Variants in CD244 observed in about 807,000 individuals in gnomAD.
CD244 encodes CD244 molecule, also known as natural killer cell receptor 2B4.
In CD244, 20 loss-of-function variants were observed where a neutral mutation model predicts 45.5. The ratio of observed to expected loss-of-function variants is 0.44; its 90% CI spans 0.31 to 0.64. The LOEUF is 0.64. CD244 is among the 30% of genes least tolerant of loss of function. The pLI, the probability that CD244 is intolerant of heterozygous loss-of-function variation, is 0.08. For missense variants in CD244, 407 were observed against 426.9 expected (o/e 0.95, Z 0.41); for synonymous variants, 185 against 160.5 (o/e 1.15, Z -1.15).
chr1:160,838,708 C>T, intron 4 of CD244, 190 bp from the exon 5 acceptor site: 1 of 619,272 alleles, frequency 1.6e-6, no homozygotes, highest in Non-Finnish European at 2.9e-6. Flanking sequence ...CCCACACCTC[C>T]TCCCAAACCA....
chr1:160,836,129 T>C (rs985437399), intron 6 of CD244, 66 bp downstream of exon 6: 2 of 1,207,592 alleles, frequency 1.7e-6, no homozygotes, highest in African/African-American at 1.5e-5. Flanking sequence ...ATGGTGTGAG[T>C]TTCAGGGGGG....
At position 160,862,729 on chromosome 1, in the gene CD244, G is replaced by A; in HGVS notation, c.-52C>T. ...GCCCCTCCACCCCACCAGACTCTCT[G>A]CCGTGCACGGGCTCAGCAGTCCCCA... is the stretch of plus-strand genomic sequence containing the variant. On this transcript the variant is annotated 5_prime_UTR_variant, in exon 1 of 9. Transcript: ENST00000368034. 6.4e-7 allele frequency: 1 copy of A among 1,555,116 alleles called. No individual in the cohort carries two copies. Among genetic ancestry groups the A allele is most frequent in the Non-Finnish European group, 8.8e-7 (1 of 1,130,040 alleles).
chr1:160,832,482 C>A, intron 8 of CD244, 37 bp downstream of exon 8: 1 of 1,304,762 alleles, frequency 7.7e-7, no homozygotes, highest in Non-Finnish European at 1.1e-6. Flanking sequence ...GGCTATGCAA[C>A]AGACAGTAAA....
intron 1 of CD244, chr1:160,848,580 A>T (rs768833532): frequency 1.1e-4 from 40 of 373,634 alleles, no homozygotes; most frequent in Non-Finnish European, 1.8e-4. Flanking sequence ...CTACACAGAG[A>T]GACCAAGAAG....
chr1:160,840,833 C>T (rs1488073614), intron 3 of CD244, among the ~76,000 whole-genome samples: 2 of 152,162 alleles, frequency 1.3e-5, no homozygotes, highest in Non-Finnish European at 2.9e-5. Flanking sequence ...GTGTAGTTAC[C>T]TCTTGAACTA....
intron 5 of CD244, among the ~76,000 whole-genome samples, chr1:160,837,888 TGCTG>T (rs1485397265): frequency 6.6e-6 from 1 of 152,216 alleles, no homozygotes; most frequent in Non-Finnish European, 1.5e-5. Flanking sequence ...GGCCCCTGCC[TGCTG>T]CGAAGAGCAG....
At chr1:160,838,044 A>T (rs1050141460) in intron 5 of CD244, among the ~76,000 whole-genome samples, 11 of 152,166 alleles carry the variant, frequency 7.2e-5, no homozygotes, top group African/African-American at 2.7e-4. Flanking sequence ...CAAAACTATT[A>T]TGCTTTGGCT....
At chr1:160,832,349 T>C (rs1571081951) in intron 8 of CD244, among the ~76,000 whole-genome samples, 170 bp downstream of exon 8, 1 of 152,172 alleles carries the variant, frequency 6.6e-6, no homozygotes, top group African/African-American at 2.4e-5. Context: ...TCACTCTCCT[T>C]GGGCTTCAGT....
intron 7 of CD244, among the ~76,000 whole-genome samples, chr1:160,833,363 A>G (rs1209489571): frequency 6.6e-6 from 1 of 152,116 alleles, no homozygotes; most frequent in African/African-American, 2.4e-5. Flanking sequence ...TGGACTCCCA[A>G]ATTCCCATAC....
chr1:160,851,825 G>A (rs1669929791), intron 1 of CD244, among the ~76,000 whole-genome samples: 2 of 152,120 alleles, frequency 1.3e-5, no homozygotes, highest in South Asian at 2.1e-4. Flanking sequence ...TTACAGGCAT[G>A]AGCCACTGCA....
chr1:160,841,880 T>C lies in CD244; in HGVS notation c.83A>G (p.His28Arg), dbSNP rs748839576. Residue 28 changes from histidine to arginine, a missense_variant, in exon 2 of 9, where the codon CAT (histidine) becomes CGT (arginine). By Grantham distance (29) the His-to-Arg change is conservative. Transcript: ENST00000368034. ...AGGCACTCCCGAGATGCTAACCACA[T>C]GGTCAGCTGATCCCTGGCATCCTAG... ...QGKGCQGSAD[H>R]VVSISGVPLQ... 4 of 1,613,930 alleles carry C rather than the reference T, an allele frequency of 2.5e-6. No homozygotes were observed. Among genetic ancestry groups the C allele is most frequent in the African/African-American group, 1.3e-5 (1 of 74,916 alleles).
Position 160,832,531 on chromosome 1 carries a change from A to T in CD244, c.1005T>A (p.Thr335=). The T allele has an allele frequency of 6.2e-7, 1 of 1,604,916 alleles. No homozygotes were observed. Among genetic ancestry groups the T allele is most frequent in the Non-Finnish European group, 8.5e-7 (1 of 1,173,802 alleles). Residue 335 remains threonine (T), a synonymous_variant, in exon 8 of 9, where the codon ACT becomes ACA. Coordinates refer to ENST00000368034, the MANE Select transcript of CD244 (RefSeq NM_016382.4). ...KRNHSPSFNS[T]IYEVIGKSQP... is the part of the protein sequence containing the mutation. ...TCCAGAATCTTACCACTTCATAGAT[A>T]GTGCTATTGAAGGAAGGGCTGTGGT...
chr1:160,834,042 G>A lies in CD244; in HGVS notation c.960+9C>T, dbSNP rs771966699. ...CAACACCCCACCACCACCACGGGAA[G>A]AGGCTCACCTTCCTGGAAGGCTGAA... On this transcript the variant is annotated intron_variant, in intron 7 of 8. Coordinates refer to ENST00000368034, the MANE Select transcript of CD244 (RefSeq NM_016382.4). The A allele has an allele frequency of 1.2e-5, 20 of 1,603,848 alleles. No individual in the cohort carries two copies. In the Admixed American group the frequency reaches 1.7e-4, roughly 13 times the overall value.
Position 160,858,539 on chromosome 1 carries a change from G to C in CD244, c.61+4078C>G, listed in dbSNP as rs1411101991. 4.6e-5 allele frequency among the ~76,000 whole-genome samples: 7 copies of C among 152,238 alleles called. No homozygotes were observed. The East Asian group carries it at 1.4e-3, about 29-fold the overall frequency. ...TTTTGGGTCTAAAATGAATTTTAGG[G>C]CCCAGGCCTATTCCCTGGGCAATGA... On this transcript the variant is annotated intron_variant, in intron 1 of 8. Coordinates refer to ENST00000368034, the MANE Select transcript of CD244 (RefSeq NM_016382.4).
At chr1:160,854,165 C>CTTTATT (rs1365663579) in intron 1 of CD244, among the ~76,000 whole-genome samples, 3 of 152,138 alleles carry the variant, frequency 2.0e-5, no homozygotes, top group Non-Finnish European at 2.9e-5. Flanking sequence ...GGTGGTTTCA[C>CTTTATT]TTTATTTTTA....
In CD244 at chr1:160,862,787, C is replaced by G; in HGVS notation, c.-110G>C. On this transcript the variant is annotated 5_prime_UTR_variant, in exon 1 of 9. Coordinates refer to ENST00000368034, the MANE Select transcript of CD244 (RefSeq NM_016382.4). The stretch of plus-strand genomic sequence containing the variant: ...AGAGGACGATGGGGAGCAGAACTGC[C>G]TTGCAACCTGTCCAGCCACAGTTTC... 1 of 867,182 alleles carries G rather than the reference C, an allele frequency of 1.2e-6. No individual in the cohort carries two copies. 53.7% of individuals were successfully genotyped at this position (867,182 alleles called of 1,614,324 possible).
At chr1:160,856,242 C>A (rs768287170) in intron 1 of CD244, among the ~76,000 whole-genome samples, 8 of 152,044 alleles carry the variant, frequency 5.3e-5, no homozygotes, top group Non-Finnish European at 7.4e-5. Flanking sequence ...CCATTTCTTT[C>A]TTCCTCTCTA....
At chr1:160,861,291 A>T (rs1389602474) in intron 1 of CD244, among the ~76,000 whole-genome samples, 1 of 152,128 alleles carries the variant, frequency 6.6e-6, no homozygotes, top group Non-Finnish European at 1.5e-5. Context: ...GGCTGCCTGC[A>T]TCCTTACAAA....
At position 160,841,148 on chromosome 1, in the gene CD244, A is replaced by C. The variant is rs188431454; in HGVS notation, c.655+62T>G. On this transcript the variant is annotated intron_variant, in intron 3 of 8. Coordinates refer to ENST00000368034, the MANE Select transcript of CD244 (RefSeq NM_016382.4). ...ATCTCATACCACATCTGTCTTGCAC[A>C]TGAGCCTGGTTGCGGGGTCCAAACC... The C allele has an allele frequency of 4.7e-5, 71 of 1,519,680 alleles. No homozygotes were observed. In the Middle Eastern group the frequency reaches 1.9e-3, roughly 41 times the overall value. 94.1% of individuals were successfully genotyped at this position (1,519,680 alleles called of 1,614,324 possible). A position where few individuals can be genotyped will look rare whatever the true frequency, so the allele number is the denominator to read the frequency against.
Sources: gnomAD v4.1 joint callset for allele counts (sites outside exome capture counted in the v4.1 genomes callset) on GRCh38, gnomAD v4.1.1 for gene constraint, MANE v1.5 for transcripts, NCBI Gene and HGNC (gene_info 2026-07-23, HGNC 2026-07-21) for gene names.